Variants in COMMD10 observed in about 807,000 individuals in gnomAD.
The protein encoded by COMMD10 is COMM domain containing 10.
COMMD10 carries 33 observed loss-of-function variants against 28.9 expected under a neutral mutation model. The observed-to-expected ratio is 1.14, with a 90% CI of 0.87 to 1.53. COMMD10 has a LOEUF of 1.53. Among genes scored for constraint, COMMD10 ranks in the 40% most tolerant of loss-of-function variants. COMMD10 has a pLI of 0.00. For missense variants in COMMD10, 310 were observed against 233.4 expected (o/e 1.33, Z -2.14); for synonymous variants, 110 against 81.7 (o/e 1.35, Z -1.87).
chr5:116,205,118 G>T (rs1247790070), intron 5 of COMMD10, among the ~76,000 whole-genome samples: 1 of 152,072 alleles, frequency 6.6e-6, no homozygotes, highest in Non-Finnish European at 1.5e-5. Context: ...GATCTGGTTT[G>T]TCCAAATCCA....
intron 5 of COMMD10, among the ~76,000 whole-genome samples, chr5:116,272,645 T>G (rs2112698803): frequency 6.6e-6 from 1 of 151,992 alleles, no homozygotes; most frequent in Non-Finnish European, 1.5e-5. Context: ...ATATTACATA[T>G]CCTGTTACCA....
chr5:116,283,022 A>G (rs1751115280), intron 5 of COMMD10, among the ~76,000 whole-genome samples: 1 of 151,974 alleles, frequency 6.6e-6, no homozygotes, highest in Admixed American at 6.6e-5. Context: ...AAGATTCTGT[A>G]GAACCAAGAA....
chr5:116,211,610 A>C (rs368202960), intron 5 of COMMD10, among the ~76,000 whole-genome samples: 2 of 152,270 alleles, frequency 1.3e-5, no homozygotes, highest in Middle Eastern at 3.4e-3. Flanking sequence ...TTAGCACATT[A>C]ATATGGATTT....
At chr5:116,266,313 T>C (rs1251009490) in intron 5 of COMMD10, among the ~76,000 whole-genome samples, 1 of 151,768 alleles carries the variant, frequency 6.6e-6, no homozygotes, top group Non-Finnish European at 1.5e-5. Flanking sequence ...TGGATCCAAA[T>C]TGTAGATTTT....
At chr5:116,205,017 AGAT>A (rs1470397272) in intron 5 of COMMD10, among the ~76,000 whole-genome samples, 1 of 152,166 alleles carries the variant, frequency 6.6e-6, no homozygotes, top group Non-Finnish European at 1.5e-5. Context: ...CATCTCTGTT[AGAT>A]GCTGCTAAAT....
intron 4 of COMMD10, among the ~76,000 whole-genome samples, chr5:116,103,497 C>T (rs1580446592): frequency 6.6e-6 from 1 of 152,152 alleles, no homozygotes; most frequent in African/African-American, 2.4e-5. Flanking sequence ...TATCCTTTGC[C>T]CACTTTTTGA....
intron 5 of COMMD10, among the ~76,000 whole-genome samples, chr5:116,287,860 C>T (rs1377062550): frequency 6.6e-6 from 1 of 151,804 alleles, no homozygotes; most frequent in Non-Finnish European, 1.5e-5. Context: ...TGCTCCACTT[C>T]TCCATTTGTT....
At chr5:116,245,948 C>A (rs182213590) in intron 5 of COMMD10, among the ~76,000 whole-genome samples, 2 of 152,200 alleles carry the variant, frequency 1.3e-5, no homozygotes, top group African/African-American at 4.8e-5. Context: ...CCTCTCTCAC[C>A]ACTCCTATTC....
chr5:116,124,322 A>G (rs1580465390), intron 4 of COMMD10, among the ~76,000 whole-genome samples: 1 of 152,284 alleles, frequency 6.6e-6, no homozygotes, highest in Admixed American at 6.5e-5. Context: ...TCATTTCGTT[A>G]CTTACCCAGT....
At chr5:116,197,646 T>A (rs760868742) in intron 5 of COMMD10, among the ~76,000 whole-genome samples, 2 of 152,134 alleles carry the variant, frequency 1.3e-5, no homozygotes, top group Non-Finnish European at 2.9e-5. Flanking sequence ...CCTCCCTACG[T>A]TCTGGGATTA....
chr5:116,223,601 C>T (rs532063233), intron 5 of COMMD10, among the ~76,000 whole-genome samples: 31 of 151,996 alleles, frequency 2.0e-4, no homozygotes, highest in Non-Finnish European at 3.7e-4. Flanking sequence ...CAGAGAAGCT[C>T]GGGAAAAATT....
rs1365953505 is a variant in COMMD10 at position 116,121,767 on chromosome 5, T to C, written c.400-12301T>C. On this transcript the variant is annotated intron_variant, in intron 4 of 6. Transcript: ENST00000274458. ...CATTTTTTCATGTGTCTGTTGGCTG[T>C]GTAGATGTCTTCTTTTGAGAAGTGT... Among the ~76,000 whole-genome samples, 8 of 152,262 alleles carry C rather than the reference T, an allele frequency of 5.3e-5. No homozygotes were observed. In the South Asian group the frequency reaches 1.2e-3, roughly 24 times the overall value.
At chr5:116,291,372 T>C in intron 5 of COMMD10, 145 bp from the exon 6 acceptor site, 1 of 594,032 alleles carries the variant, frequency 1.7e-6, no homozygotes, top group Middle Eastern at 3.5e-4. Context: ...GTTCTAGGAA[T>C]CATGGGGTTG....
At chr5:116,260,673 G>T (rs1750419144) in intron 5 of COMMD10, among the ~76,000 whole-genome samples, 1 of 151,758 alleles carries the variant, frequency 6.6e-6, no homozygotes, top group Admixed American at 6.6e-5. Context: ...ATCTGTACAA[G>T]AAAATTAATG....
intron 4 of COMMD10, among the ~76,000 whole-genome samples, chr5:116,130,579 A>C (rs1213658264): frequency 1.3e-5 from 2 of 151,930 alleles, no homozygotes; most frequent in African/African-American, 4.8e-5. Flanking sequence ...AATTTGATGC[A>C]ATTATCCAAA....
At chr5:116,266,151 A>G (rs1184602690) in intron 5 of COMMD10, among the ~76,000 whole-genome samples, 1 of 151,714 alleles carries the variant, frequency 6.6e-6, no homozygotes. Context: ...TTAAGGGGGC[A>G]ATGAGAACAA....
chr5:116,220,457 C>T lies in COMMD10; in HGVS notation c.511-71060C>T, dbSNP rs538436643. On this transcript the variant is annotated intron_variant, in intron 5 of 6. Transcript: ENST00000274458. Reference sequence around the variant, plus strand: ...TTTTTTCTTTGGAAGAGGTGAACATCGTAGATAATAAACTTTGGGAGTGTT... The same window carrying T: ...TTTTTTCTTTGGAAGAGGTGAACATTGTAGATAATAAACTTTGGGAGTGTT... Among the ~76,000 whole-genome samples, 71 of 151,442 alleles carry T rather than the reference C, an allele frequency of 4.7e-4. 1 individual carries two copies. Among genetic ancestry groups the T allele is most frequent in the Non-Finnish European group, 7.4e-4 (50 of 67,942 alleles).
At chr5:116,256,082 C>T (rs559259784) in intron 5 of COMMD10, among the ~76,000 whole-genome samples, 1 of 151,650 alleles carries the variant, frequency 6.6e-6, no homozygotes, top group African/African-American at 2.4e-5. Flanking sequence ...TAAAAAGTTC[C>T]AAAAGCATTT....
intron 5 of COMMD10, among the ~76,000 whole-genome samples, chr5:116,166,122 C>G (rs375216757): frequency 1.3e-5 from 2 of 149,020 alleles, no homozygotes; most frequent in East Asian, 2.0e-4. Flanking sequence ...AGTTTTAGTC[C>G]TTGGCACATG....
Sources: allele counts gnomAD v4.1 joint callset (sites outside exome capture counted in the v4.1 genomes callset), GRCh38; gene constraint gnomAD v4.1.1; transcripts MANE v1.5; gene names NCBI Gene and HGNC (gene_info 2026-07-23, HGNC 2026-07-21).